The following LRRC7 variants were observed in gnomAD, a reference collection of about 807,000 sequenced individuals.
The protein encoded by LRRC7 is leucine-rich repeat-containing protein 7.
A neutral mutation model predicts 175.7 loss-of-function variants in LRRC7; 23 were observed. The ratio of observed to expected loss-of-function variants is 0.13; its 90% CI spans 0.09 to 0.19. The LOEUF is 0.19. LRRC7 is among the 10% of genes least tolerant of loss of function. The pLI is 1.00. For synonymous variants in LRRC7, 685 were observed against 680.9 expected (o/e 1.01, Z -0.09); for missense variants, 1,354 against 1,904.7 (o/e 0.71, Z 5.38).
chr1:69,936,897 A>G lies in LRRC7; in HGVS notation c.711+5327A>G, dbSNP rs1439967498. Among the ~76,000 whole-genome samples, 4 of 152,178 alleles carry G rather than the reference A, an allele frequency of 2.6e-5. No individual in the cohort carries two copies. The East Asian group carries it at 5.8e-4, about 22-fold the overall frequency. ...CATCCATGTTGTTGCAAAGGAGATG[A>G]TTTAGTTCTTTTTTAACACTGCGTA... is the stretch of plus-strand genomic sequence containing the variant. On this transcript the variant is annotated intron_variant, in intron 8 of 26. Coordinates refer to ENST00000651989, the MANE Select transcript of LRRC7 (RefSeq NM_001370785.2).
intron 26 of LRRC7, among the ~76,000 whole-genome samples, chr1:70,111,933 T>C (rs928432891): frequency 6.6e-6 from 1 of 152,180 alleles, no homozygotes; most frequent in Non-Finnish European, 1.5e-5. Context: ...TTTTCTAATA[T>C]GAGATATATA....
chr1:69,825,631 AT>A, intron 4 of LRRC7, 116 bp from the exon 5 acceptor site: 1 of 479,728 alleles, frequency 2.1e-6, no homozygotes, highest in South Asian at 5.6e-5. Flanking sequence ...CTTATCCTAA[AT>A]GGTGTTTACA....
chr1:69,998,787 G>T (rs1422942885), intron 11 of LRRC7, among the ~76,000 whole-genome samples: 1 of 152,186 alleles, frequency 6.6e-6, no homozygotes, highest in Non-Finnish European at 1.5e-5. Context: ...CCCTGACTTT[G>T]GTCATCTTGA....
At chr1:69,871,971 T>C (rs939920840) in intron 7 of LRRC7, among the ~76,000 whole-genome samples, 2 of 152,046 alleles carry the variant, frequency 1.3e-5, no homozygotes, top group Non-Finnish European at 2.9e-5. Flanking sequence ...CATTCTATTG[T>C]GAAAATATTT....
chr1:69,921,921 C>T (rs1646899888), intron 7 of LRRC7, among the ~76,000 whole-genome samples: 2 of 151,930 alleles, frequency 1.3e-5, no homozygotes, highest in Non-Finnish European at 2.9e-5. Flanking sequence ...TACATTCATT[C>T]TGTTTGTTTG....
chr1:69,651,981 G>C (rs779713056), intron 1 of LRRC7, among the ~76,000 whole-genome samples: 4 of 152,028 alleles, frequency 2.6e-5, no homozygotes, highest in Non-Finnish European at 4.4e-5. Flanking sequence ...ACAACTTGAA[G>C]CTTCTCCTTC....
chr1:69,896,686 C>T (rs1477577080), intron 7 of LRRC7, among the ~76,000 whole-genome samples: 2 of 152,048 alleles, frequency 1.3e-5, no homozygotes, highest in African/African-American at 2.4e-5. Context: ...TATACCATTG[C>T]CTTTATAGCC....
intron 4 of LRRC7, among the ~76,000 whole-genome samples, chr1:69,800,378 G>A (rs143703729): frequency 7.5e-4 from 114 of 152,010 alleles, no homozygotes; most frequent in Middle Eastern, 3.4e-3. Context: ...CCAAGGGAGT[G>A]GAATGTTTTC....
At chr1:69,796,429 A>C (rs186491627) in intron 4 of LRRC7, among the ~76,000 whole-genome samples, 194 of 151,992 alleles carry the variant, frequency 1.3e-3, no homozygotes, top group African/African-American at 4.4e-3. Context: ...TTCTCTACCC[A>C]AAATACCCCT....
At chr1:69,912,570 C>T (rs1440601817) in intron 7 of LRRC7, among the ~76,000 whole-genome samples, 1 of 152,126 alleles carries the variant, frequency 6.6e-6, no homozygotes, top group East Asian at 1.9e-4. Context: ...GAAATAATGT[C>T]ATTGTTCTTG....
At chr1:69,715,127 G>A (rs942530292) in intron 2 of LRRC7, among the ~76,000 whole-genome samples, 1 of 152,036 alleles carries the variant, frequency 6.6e-6, no homozygotes, top group Non-Finnish European at 1.5e-5. Context: ...GAAGTTTGCG[G>A]CCTTTTGATT....
At chr1:69,852,658 G>A (rs530689370) in intron 7 of LRRC7, among the ~76,000 whole-genome samples, 6 of 152,016 alleles carry the variant, frequency 3.9e-5, no homozygotes, top group African/African-American at 7.2e-5. Flanking sequence ...GACACTTTTC[G>A]GTTATATGTG....
At chr1:69,933,573 C>A (rs774607030) in intron 8 of LRRC7, among the ~76,000 whole-genome samples, 2 of 152,146 alleles carry the variant, frequency 1.3e-5, no homozygotes, top group African/African-American at 4.8e-5. Context: ...ACTTCCTTAT[C>A]AATACAGTAA....
chr1:69,580,557 G>A (rs1646154852), intron 1 of LRRC7, among the ~76,000 whole-genome samples: 1 of 152,076 alleles, frequency 6.6e-6, no homozygotes, highest in South Asian at 2.1e-4. Flanking sequence ...AAAGACACTA[G>A]GGTGCAATAT....
chr1:69,604,257 C>T (rs1271561317), intron 1 of LRRC7, among the ~76,000 whole-genome samples: 1 of 152,048 alleles, frequency 6.6e-6, no homozygotes, highest in Non-Finnish European at 1.5e-5. Flanking sequence ...ATGATTTGGC[C>T]AAGTCATTCC....
intron 8 of LRRC7, among the ~76,000 whole-genome samples, chr1:69,973,014 T>C (rs1422090412): frequency 1.4e-5 from 2 of 144,866 alleles, no homozygotes; most frequent in African/African-American, 5.0e-5. Context: ...ACTATATATA[T>C]ACTATATATA....
chr1:69,797,643 A>G (rs1675950105), intron 4 of LRRC7, among the ~76,000 whole-genome samples: 1 of 152,026 alleles, frequency 6.6e-6, no homozygotes, highest in African/African-American at 2.4e-5. Context: ...CTAGTCCCAT[A>G]TCTCTTTCCT....
intron 2 of LRRC7, among the ~76,000 whole-genome samples, chr1:69,753,483 G>A (rs959848664): frequency 2.6e-5 from 4 of 151,912 alleles, no homozygotes; most frequent in African/African-American, 7.3e-5. Context: ...TTTTGTGTAT[G>A]ACCCTATGCA....
intron 1 of LRRC7, among the ~76,000 whole-genome samples, chr1:69,640,655 A>G (rs934697761): frequency 1.1e-4 from 16 of 149,662 alleles, no homozygotes; most frequent in Admixed American, 6.7e-5. Flanking sequence ...TTTTAATTCT[A>G]ACTTTGGTAA....
Sources: allele counts gnomAD v4.1 joint callset (sites outside exome capture counted in the v4.1 genomes callset), GRCh38; gene constraint gnomAD v4.1.1; transcripts MANE v1.5; gene names NCBI Gene and HGNC (gene_info 2026-07-23, HGNC 2026-07-21).